Variants in SH3RF3 observed in about 807,000 individuals in gnomAD.
SH3RF3 encodes the protein E3 ubiquitin-protein ligase SH3RF3.
Under a neutral mutation model 66.3 loss-of-function variants are expected in SH3RF3, and 29 were observed. The ratio of observed to expected loss-of-function variants is 0.44; its 90% confidence interval spans 0.33 to 0.60. The LOEUF is 0.60. SH3RF3 is among the 20% of genes least tolerant of loss of function. The probability of loss-of-function intolerance (pLI) is 0.04; values close to 1 mark genes in which losing one functional copy is unlikely to be tolerated. For synonymous variants in SH3RF3, 583 were observed against 532.0 expected (o/e 1.10, Z -1.32); for missense variants, 1,194 against 1,190.9 (o/e 1.00, Z -0.04).
At chr2:109,257,744 A>G (rs1680255125) in intron 1 of SH3RF3, among the ~76,000 whole-genome samples, 1 of 152,230 alleles carries the variant, frequency 6.6e-6, no homozygotes, top group Non-Finnish European at 1.5e-5. Context: ...GTCCAAAAAA[A>G]CCAAGGGGCC....
intron 8 of SH3RF3, among the ~76,000 whole-genome samples, chr2:109,481,816 A>T (rs1159234406): frequency 6.6e-6 from 1 of 151,928 alleles, no homozygotes; most frequent in East Asian, 1.9e-4. Context: ...TCCTGTCTTG[A>T]GGAAGCCCAG....
At chr2:109,466,101 A>G (rs1315937557) in intron 8 of SH3RF3, among the ~76,000 whole-genome samples, 3 of 85,890 alleles carry the variant, frequency 3.5e-5, no homozygotes, top group Non-Finnish European at 6.6e-5. Flanking sequence ...TTTTTTTGAG[A>G]TGGAGTCTCG....
intron 1 of SH3RF3, among the ~76,000 whole-genome samples, chr2:109,247,650 G>C (rs1384821740): frequency 6.6e-6 from 1 of 151,556 alleles, no homozygotes; most frequent in South Asian, 2.1e-4. Flanking sequence ...GACTGGCTGC[G>C]TTAGCTCTTC....
intron 1 of SH3RF3, among the ~76,000 whole-genome samples, chr2:109,262,872 G>A (rs779836270): frequency 7.3e-5 from 11 of 151,636 alleles, no homozygotes; most frequent in Non-Finnish European, 1.6e-4. Flanking sequence ...TTCCTCTGTT[G>A]TCCAGGCTGG....
intron 1 of SH3RF3, among the ~76,000 whole-genome samples, chr2:109,228,771 G>C (rs1490440146): frequency 6.6e-6 from 1 of 152,150 alleles, no homozygotes; most frequent in East Asian, 1.9e-4. Flanking sequence ...CCGTCTCTGT[G>C]GAGTTAGATG....
intron 3 of SH3RF3, among the ~76,000 whole-genome samples, chr2:109,375,053 C>T (rs370063895): frequency 7.2e-5 from 11 of 152,184 alleles, no homozygotes; most frequent in Non-Finnish European, 1.2e-4. Context: ...AGGTGGACCC[C>T]GCCCTGGACA....
intron 3 of SH3RF3, among the ~76,000 whole-genome samples, chr2:109,398,154 G>A (rs186962841): frequency 5.9e-5 from 9 of 152,202 alleles, no homozygotes; most frequent in Admixed American, 3.3e-4. Flanking sequence ...AATCTCCTCC[G>A]GGGACCTGCA....
intron 3 of SH3RF3, among the ~76,000 whole-genome samples, chr2:109,388,345 A>G (rs1167088329): frequency 6.6e-6 from 1 of 152,166 alleles, no homozygotes; most frequent in Non-Finnish European, 1.5e-5. Context: ...AACACATCCT[A>G]AAGAAAAGTT....
intron 2 of SH3RF3, among the ~76,000 whole-genome samples, chr2:109,353,975 G>T (rs1238857479): frequency 6.6e-6 from 1 of 152,162 alleles, no homozygotes; most frequent in Admixed American, 6.5e-5. Flanking sequence ...GCTCTGGAAA[G>T]TCAGAGCCCC....
chr2:109,278,010 C>CAAAAAA (rs58675048), intron 1 of SH3RF3, among the ~76,000 whole-genome samples: 6 of 81,282 alleles, frequency 7.4e-5, no homozygotes, highest in Non-Finnish European at 1.2e-4. Flanking sequence ...CTGTCTCTAA[C>CAAAAAA]AAAAAAAAAA....
Position 109,313,831 on chromosome 2 carries a change from G to A in SH3RF3, c.574-33843G>A, listed in dbSNP as rs145874816. ...CAGAGGGGCTTATTCCAGTGCATGT[G>A]GGGGAGAGGAGGGAGGTGGGCTCAG... On this transcript the variant is annotated intron_variant, in intron 1 of 9. Coordinates refer to ENST00000309415, the MANE Select transcript of SH3RF3 (RefSeq NM_001099289.3). Among the ~76,000 whole-genome samples, 148 of 152,352 alleles carry A rather than the reference G, an allele frequency of 9.7e-4. 2 individuals carry two copies. Among genetic ancestry groups the A allele is most frequent in the African/African-American group, 3.1e-3 (129 of 41,588 alleles).
rs1332624175 is a variant in SH3RF3, at chr2:109,455,487, C to G, written c.2148+5998C>G. ...GGAGTCTGTGGGACACATGTGTGCA[C>G]CCACCCATTAAATATATGTATATCT... On this transcript the variant is annotated intron_variant, in intron 8 of 9. Coordinates refer to ENST00000309415, the MANE Select transcript of SH3RF3 (RefSeq NM_001099289.3). 2.0e-5 allele frequency among the ~76,000 whole-genome samples: 3 copies of G among 151,952 alleles called. No homozygotes were observed. The East Asian group carries it at 5.8e-4, about 29-fold the overall frequency.
intron 2 of SH3RF3, among the ~76,000 whole-genome samples, chr2:109,349,152 C>G (rs1418228658): frequency 9.2e-6 from 1 of 108,138 alleles, no homozygotes; most frequent in Non-Finnish European, 1.8e-5. Context: ...CCCCCATCTG[C>G]TGAGTGCAGA....
At chr2:109,262,851 G>A (rs559239030) in intron 1 of SH3RF3, among the ~76,000 whole-genome samples, 1 of 150,108 alleles carries the variant, frequency 6.7e-6, no homozygotes, top group African/African-American at 2.5e-5. Context: ...TTATTTTTTT[G>A]AGACAGAGTC....
At chr2:109,442,380 A>G (rs1014471531) in intron 7 of SH3RF3, among the ~76,000 whole-genome samples, 3 of 152,098 alleles carry the variant, frequency 2.0e-5, no homozygotes, top group African/African-American at 7.2e-5. Context: ...GAAAGAAGGC[A>G]GATGATACCA....
intron 1 of SH3RF3, among the ~76,000 whole-genome samples, chr2:109,298,650 T>TA (rs1355459459): frequency 6.6e-6 from 1 of 152,102 alleles, no homozygotes; most frequent in African/African-American, 2.4e-5. Context: ...GCACACCCGT[T>TA]CCGTGCTCCC....
intron 3 of SH3RF3, among the ~76,000 whole-genome samples, chr2:109,373,911 C>T (rs3936191): frequency 0.29 from 43,726 of 151,976 alleles, 7,173 homozygotes; most frequent in South Asian, 0.39. Context: ...ATTGGGAGTC[C>T]GCAAGCAGGT....
At chr2:109,378,162 C>T (rs760831632) in intron 3 of SH3RF3, among the ~76,000 whole-genome samples, 3 of 152,224 alleles carry the variant, frequency 2.0e-5, no homozygotes, top group Non-Finnish European at 4.4e-5. Flanking sequence ...GCTCCTCTCT[C>T]CTCCGCAGCA....
chr2:109,302,156 G>A (rs1223389196), intron 1 of SH3RF3, among the ~76,000 whole-genome samples: 4 of 152,190 alleles, frequency 2.6e-5, no homozygotes, highest in Non-Finnish European at 1.5e-5. Flanking sequence ...TGTTGAACAC[G>A]GATCTGCAAA....
Sources: allele counts gnomAD v4.1 joint callset (sites outside exome capture counted in the v4.1 genomes callset), GRCh38; gene constraint gnomAD v4.1.1; transcripts MANE v1.5; gene names NCBI Gene and HGNC (gene_info 2026-07-23, HGNC 2026-07-21).